The following ADAMTSL2 variants were observed in gnomAD, a reference collection of about 807,000 sequenced individuals.
ADAMTSL2 encodes the protein ADAMTS-like protein 2.
ADAMTSL2 carries 55 observed loss-of-function variants against 117.0 expected under a neutral mutation model. The ratio of observed to expected loss-of-function variants is 0.47; its 90% CI spans 0.38 to 0.59. The LOEUF is 0.59. Ranked by LOEUF, ADAMTSL2 falls within the 20% of genes least tolerant of loss-of-function variation. The pLI is 0.00. For synonymous variants in ADAMTSL2, 572 were observed against 566.4 expected (o/e 1.01, Z -0.14); for missense variants, 1,182 against 1,354.5 (o/e 0.87, Z 2.00).
intron 12 of ADAMTSL2, among the ~76,000 whole-genome samples, chr9:133,564,066 C>G (rs961575069): frequency 2.8e-3 from 29 of 10,226 alleles, no homozygotes; most frequent in Admixed American, 0.01. Context: ...GGGAGAGAGA[C>G]AGAGAGAAAG....
At chr9:133,574,426 G>T (rs1831181069) in intron 18 of ADAMTSL2, among the ~76,000 whole-genome samples, 3 of 152,154 alleles carry the variant, frequency 2.0e-5, no homozygotes, top group African/African-American at 7.2e-5. Flanking sequence ...GATGAGTTAT[G>T]CTTTGGATAC....
chr9:133,534,808 G>T lies in ADAMTSL2; in HGVS notation c.-260G>T. 3.4e-6 allele frequency: 5 copies of T among 1,487,364 alleles called. No individual in the cohort carries two copies. The highest frequency in any genetic ancestry group is 4.5e-6 in the Non-Finnish European group (5 of 1,113,538). 92.1% of individuals were successfully genotyped at this position (1,487,364 alleles called of 1,614,324 possible). A position where few individuals can be genotyped will look rare whatever the true frequency, so the allele number is the denominator to read the frequency against. On this transcript the variant is annotated 5_prime_UTR_variant, in exon 1 of 19. Coordinates refer to ENST00000651351, the MANE Select transcript of ADAMTSL2 (RefSeq NM_014694.4). ...GGGAAGGGGAGAGGGAGGCCGGGCC[G>T]CAGCCTCTGCACTCACGCCGCCCCC...
At chr9:133,542,228 C>T (rs1017786404) in intron 7 of ADAMTSL2, among the ~76,000 whole-genome samples, 54 of 152,150 alleles carry the variant, frequency 3.5e-4, no homozygotes, top group Admixed American at 2.2e-3. Context: ...GACCTAGGGA[C>T]GGGCGTGCCG....
chr9:133,548,519 G>C (rs1830406631), intron 9 of ADAMTSL2, among the ~76,000 whole-genome samples: 1 of 152,060 alleles, frequency 6.6e-6, no homozygotes, highest in Non-Finnish European at 1.5e-5. Context: ...AGAGAGCTTG[G>C]GGGGCAGTGT....
In ADAMTSL2 at chr9:133,539,824, C is replaced by T. The variant is rs1830165866; in HGVS notation, c.363C>T (p.Asn121=). ...SFREEQCVSF[N]SHVYNGRTHQ... ...GCGAGGAGCAGTGCGTCTCCTTCAA[C>T]TCCCACGTGTACAACGGGCGGACGC... The change falls in exon 5 of 19, where the codon AAC becomes AAT. Residue 121 remains asparagine, a synonymous_variant. Coordinates refer to ENST00000651351, the MANE Select transcript of ADAMTSL2 (RefSeq NM_014694.4). 6.4e-7 allele frequency: 1 copy of T among 1,551,144 alleles called. No individual in the cohort carries two copies. Among genetic ancestry groups the T allele is most frequent in the Non-Finnish European group, 8.7e-7 (1 of 1,147,002 alleles).
At chr9:133,539,144 C>T (rs762585841) in intron 4 of ADAMTSL2, among the ~76,000 whole-genome samples, 31 of 152,186 alleles carry the variant, frequency 2.0e-4, no homozygotes, top group East Asian at 3.9e-4. Flanking sequence ...AGGTGGCCAC[C>T]GCTTCTGTGT....
chr9:133,547,216 A>T lies in ADAMTSL2; in HGVS notation c.939+3A>T, dbSNP rs1830371825. 6.2e-7 allele frequency: 1 copy of T among 1,612,742 alleles called. No individual in the cohort carries two copies. The highest frequency in any genetic ancestry group is 8.5e-7 in the Non-Finnish European group (1 of 1,179,182). On this transcript the variant is annotated splice_donor_region_variant and intron_variant, in intron 9 of 18. Transcript: ENST00000651351. ...CCAACCAGGGCCTGAATGTCATGGT[A>T]CGTGTGCCGCAGGCCTTGGGGGCCC...
intron 16 of ADAMTSL2, 44 bp downstream of exon 16, chr9:133,569,622 G>C (rs1287852136): frequency 2.6e-6 from 4 of 1,545,970 alleles, no homozygotes; most frequent in East Asian, 2.4e-5. Flanking sequence ...GGTATCTGGA[G>C]AGCATTTGGC....
rs754791574 is a variant in ADAMTSL2, at chr9:133,536,646, G to A, written c.-67G>A. The A allele has an allele frequency of 1.6e-5, 26 of 1,613,924 alleles. No individual in the cohort carries two copies. In the Middle Eastern group the frequency reaches 4.9e-4, roughly 31 times the overall value. On this transcript the variant is annotated 5_prime_UTR_variant, in exon 2 of 19. Coordinates refer to ENST00000651351, the MANE Select transcript of ADAMTSL2 (RefSeq NM_014694.4). ...CTGGGCCCCGAGGGCTCTTCCCAAA[G>A]CGTACCCTGGTCATCTGGAAGAGGA... is the stretch of plus-strand genomic sequence containing the variant.
chr9:133,551,938 TC>T (rs1830495812), intron 9 of ADAMTSL2, among the ~76,000 whole-genome samples: 1 of 150,990 alleles, frequency 6.6e-6, no homozygotes, highest in African/African-American at 2.4e-5. Flanking sequence ...CAAACGATTC[TC>T]CTGCCTCAGC....
chr9:133,541,073 T>C, intron 7 of ADAMTSL2, 72 bp downstream of exon 7: 1 of 1,559,276 alleles, frequency 6.4e-7, no homozygotes, highest in African/African-American at 1.4e-5. Context: ...TGTGCTCCTG[T>C]CTGCAGCCTC....
intron 12 of ADAMTSL2, among the ~76,000 whole-genome samples, chr9:133,564,985 T>G (rs917230857): frequency 9.2e-5 from 14 of 152,100 alleles, no homozygotes; most frequent in African/African-American, 3.1e-4. Flanking sequence ...TGTTTTTAGA[T>G]TTTTCTTCGA....
chr9:133,561,435 G>A (rs1368954159), intron 12 of ADAMTSL2, 140 bp downstream of exon 12: 1 of 751,716 alleles, frequency 1.3e-6, no homozygotes, highest in African/African-American at 1.7e-5. Context: ...CCTGACTTGG[G>A]GGCAGTGTGG....
chr9:133,532,989 C>T (rs1396132199), upstream of ADAMTSL2, among the ~76,000 whole-genome samples: 2 of 152,158 alleles, frequency 1.3e-5, no homozygotes, highest in Admixed American at 1.3e-4. Context: ...CCAAGGGAAA[C>T]CGTTAGTCAC....
At chr9:133,536,317 C>T (rs918900162) in intron 1 of ADAMTSL2, among the ~76,000 whole-genome samples, 1 of 152,208 alleles carries the variant, frequency 6.6e-6, no homozygotes, top group Admixed American at 6.5e-5. Flanking sequence ...CAGAGCCTTT[C>T]CCCCCGCCTG....
At position 133,557,298 on chromosome 9, in the gene ADAMTSL2, C is replaced by A. The variant is rs2131144884; in HGVS notation, c.1649+1368C>A. ...CCGAGGTGCCTGGGGCTGCGGGGTG[C>A]AGGGAGGATGTCCTGAGCACTTCTG... On this transcript the variant is annotated intron_variant, in intron 11 of 18. Transcript: ENST00000651351. The surrounding 1 kb of genome is among the most constrained non-coding windows in gnomAD (Gnocchi z 5.2). Among the ~76,000 whole-genome samples, 1 of 152,284 alleles carries A rather than the reference C, an allele frequency of 6.6e-6. No individual in the cohort carries two copies. Among genetic ancestry groups the A allele is most frequent in the African/African-American group, 2.4e-5 (1 of 41,544 alleles).
intron 10 of ADAMTSL2, among the ~76,000 whole-genome samples, chr9:133,555,268 AAAG>A (rs1183707560): frequency 2.1e-5 from 3 of 140,464 alleles, no homozygotes; most frequent in Admixed American, 7.1e-5. Flanking sequence ...CCCTATTTCC[AAAG>A]AAGATCACAC....
Position 133,566,936 on chromosome 9 carries a change from G to T in ADAMTSL2, c.1748G>T (p.Gly583Val). The change falls in exon 13 of 19, where the codon GGG (glycine) becomes GTG (valine). Residue 583 changes from glycine to valine, a missense_variant and splice_region_variant. Physicochemically the swap from Gly to Val is moderately radical, Grantham distance 109. Transcript: ENST00000651351. ...AGACCCACCCCTGTCCCCAACCCAGGGGTCATGTCTGCGTACGCCATGTGT... is the reference window on the plus strand; with the variant it reads ...AGACCCACCCCTGTCCCCAACCCAGTGGTCATGTCTGCGTACGCCATGTGT... Reference protein sequence around the residue: ...HEPCSATCTTGVMSAYAMCVR... With the variant: ...HEPCSATCTTVVMSAYAMCVR... 6.2e-7 allele frequency: 1 copy of T among 1,606,564 alleles called. No homozygotes were observed.
At position 133,534,885 on chromosome 9, in the gene ADAMTSL2, C is replaced by T. The variant is rs1010185984; in HGVS notation, c.-183C>T. 2.8e-6 allele frequency: 4 copies of T among 1,450,748 alleles called. No homozygotes were observed. Among genetic ancestry groups the T allele is most frequent in the Non-Finnish European group, 3.6e-6 (4 of 1,096,328 alleles). The allele number at this position is 1,450,748 out of a possible 1,614,324, so 89.9% of individuals were successfully genotyped here. On this transcript the variant is annotated 5_prime_UTR_variant, in exon 1 of 19. Transcript: ENST00000651351. Reference sequence around the variant, plus strand: ...TGCCCTCCGCAGCGCTCGCCCCTTTCTCTGGGAGGACAACCTGCTGACCCG... The same window carrying T: ...TGCCCTCCGCAGCGCTCGCCCCTTTTTCTGGGAGGACAACCTGCTGACCCG...
Sources: allele counts gnomAD v4.1 joint callset (sites outside exome capture counted in the v4.1 genomes callset), GRCh38; gene constraint gnomAD v4.1.1; non-coding constraint Gnocchi (gnomAD v3.1); transcripts MANE v1.5; gene names NCBI Gene and HGNC (gene_info 2026-07-23, HGNC 2026-07-21).